Variants in LATS1 observed in about 807,000 individuals in gnomAD.
LATS1 encodes serine/threonine-protein kinase LATS1.
Under a neutral mutation model 106.6 loss-of-function variants are expected in LATS1, and 25 were observed. The observed-to-expected ratio is 0.23, with a 90% CI of 0.17 to 0.33. The LOEUF is 0.33. LATS1 is among the 10% of genes least tolerant of loss of function. The pLI, the probability that LATS1 is intolerant of heterozygous loss-of-function variation, is 1.00. For synonymous variants in LATS1, 465 were observed against 455.6 expected (o/e 1.02, Z -0.26); for missense variants, 1,040 against 1,382.6 (o/e 0.75, Z 3.93).
intron 7 of LATS1, among the ~76,000 whole-genome samples, chr6:149,670,179 AAAAAAAAAAAAAAAG>A (rs1401293133): frequency 2.8e-5 from 4 of 142,688 alleles, no homozygotes; most frequent in Non-Finnish European, 4.5e-5. Context: ...CTCAAAAAAA[AAAAAAAAAAAAAAAG>A]AAAAGAAAAG....
rs1781703301 is a variant in LATS1, at chr6:149,676,037, G to C, written c.2883+223C>G. The C allele has an allele frequency of 4.4e-5, 21 of 476,314 alleles. No individual in the cohort carries two copies. The South Asian group carries it at 5.4e-4, about 12-fold the overall frequency. 29.5% of individuals were successfully genotyped at this position (476,314 alleles called of 1,614,324 possible). A position where few individuals can be genotyped will look rare whatever the true frequency, so the allele number is the denominator to read the frequency against. ...TTAAATTAAAAAATATTTGTTTGTA[G>C]AGATGTGGTCTCACATTGTTGCCAG... On this transcript the variant is annotated intron_variant, in intron 7 of 7. Transcript: ENST00000543571.
intron 2 of LATS1, among the ~76,000 whole-genome samples, chr6:149,695,860 C>T (rs1783032662): frequency 6.6e-6 from 1 of 151,708 alleles, no homozygotes; most frequent in Non-Finnish European, 1.5e-5. Context: ...AACAACTTCT[C>T]TGGGTACAAT....
rs1022082371 is a variant in LATS1 at position 149,660,142 on chromosome 6, C to G, written c.*1587G>C. ...CAAAATCCCTTGAAACTGCATGCAA[C>G]ATTGTATGTGTATGTGTGGTTTTTT... On this transcript the variant is annotated 3_prime_UTR_variant, in exon 8 of 8. Transcript: ENST00000543571. The G allele has an allele frequency of 4.3e-6, 1 of 232,416 alleles. No homozygotes were observed. The highest frequency in any genetic ancestry group is 2.2e-5 in the African/African-American group (1 of 45,262). 14.4% of individuals were successfully genotyped at this position (232,416 alleles called of 1,614,324 possible).
chr6:149,688,502 G>A (rs928141599), intron 3 of LATS1, among the ~76,000 whole-genome samples: 1 of 151,752 alleles, frequency 6.6e-6, no homozygotes, highest in African/African-American at 2.4e-5. Flanking sequence ...TAGAGATGGG[G>A]TTTCACTATG....
Position 149,661,714 on chromosome 6 carries a change from T to G in LATS1, c.*15A>C, listed in dbSNP as rs751757188. On this transcript the variant is annotated 3_prime_UTR_variant, in exon 8 of 8. Coordinates refer to ENST00000543571, the MANE Select transcript of LATS1 (RefSeq NM_004690.4). ...GCCCTTTTACAAATCCTCATTACAT[T>G]TATTTACTAGTGTGTTAAACATATA... 9 of 1,523,032 alleles carry G rather than the reference T, an allele frequency of 5.9e-6. No individual in the cohort carries two copies. The highest frequency in any genetic ancestry group is 4.2e-5 in the African/African-American group (3 of 71,772). The allele number at this position is 1,523,032 out of a possible 1,614,324, so 94.3% of individuals were successfully genotyped here. A position where few individuals can be genotyped will look rare whatever the true frequency, so the allele number is the denominator to read the frequency against.
In LATS1 at chr6:149,661,709, T is replaced by G. The variant is rs1340478523; in HGVS notation, c.*20A>C. 1 of 1,521,334 alleles carries G rather than the reference T, an allele frequency of 6.6e-7. No individual in the cohort carries two copies. Among genetic ancestry groups the G allele is most frequent in the Non-Finnish European group, 8.8e-7 (1 of 1,139,124 alleles). The allele number at this position is 1,521,334 out of a possible 1,614,324, so 94.2% of individuals were successfully genotyped here. ...TTCAGGCCCTTTTACAAATCCTCAT[T>G]ACATTTATTTACTAGTGTGTTAAAC... On this transcript the variant is annotated 3_prime_UTR_variant, in exon 8 of 8. Transcript: ENST00000543571.
At chr6:149,714,580 T>A (rs1784285121) in intron 1 of LATS1, among the ~76,000 whole-genome samples, 1 of 152,204 alleles carries the variant, frequency 6.6e-6, no homozygotes, top group African/African-American at 2.4e-5. Context: ...AGAAGCTGTT[T>A]AATTTCCAGC....
At chr6:149,686,379 T>C (rs1364391440) in intron 3 of LATS1, among the ~76,000 whole-genome samples, 2 of 152,200 alleles carry the variant, frequency 1.3e-5, no homozygotes, top group Non-Finnish European at 2.9e-5. Flanking sequence ...AAATACACCA[T>C]GTCACTCATT....
rs1784210321 is a variant in LATS1, at chr6:149,713,350, A to C, written c.-141+4499T>G. ...CCCTCTGTTGCCCAGGCTGGAGTGC[A>C]ATGGTGCCATCTCGGCTCACTGCAA... On this transcript the variant is annotated intron_variant, in intron 1 of 7. Transcript: ENST00000543571. 4.0e-5 allele frequency among the ~76,000 whole-genome samples: 6 copies of C among 151,748 alleles called. No individual in the cohort carries two copies. In the South Asian group the frequency reaches 1.2e-3, roughly 32 times the overall value.
intron 1 of LATS1, among the ~76,000 whole-genome samples, chr6:149,706,970 A>G (rs749785759): frequency 6.6e-5 from 10 of 150,422 alleles, no homozygotes; most frequent in Non-Finnish European, 1.5e-4. Flanking sequence ...ATATACTACT[A>G]TTAACCAAAA....
intron 7 of LATS1, among the ~76,000 whole-genome samples, chr6:149,674,634 A>C (rs1582856028): frequency 6.7e-6 from 1 of 148,958 alleles, no homozygotes. Flanking sequence ...ACGACCTTGC[A>C]AAGTGTTGGG....
Position 149,660,146 on chromosome 6 carries a change from G to T in LATS1, c.*1583C>A, listed in dbSNP as rs1211094560. ...ATCCCTTGAAACTGCATGCAACATT[G>T]TATGTGTATGTGTGGTTTTTTTTTC... On this transcript the variant is annotated 3_prime_UTR_variant, in exon 8 of 8. Coordinates refer to ENST00000543571, the MANE Select transcript of LATS1 (RefSeq NM_004690.4). The T allele has an allele frequency of 4.3e-6, 1 of 232,504 alleles. No homozygotes were observed. Among genetic ancestry groups the T allele is most frequent in the African/African-American group, 2.2e-5 (1 of 45,404 alleles). 14.4% of individuals were successfully genotyped at this position (232,504 alleles called of 1,614,324 possible).
At chr6:149,665,143 C>T (rs1291271021) in intron 7 of LATS1, among the ~76,000 whole-genome samples, 1 of 152,134 alleles carries the variant, frequency 6.6e-6, no homozygotes, top group Non-Finnish European at 1.5e-5. Context: ...GGGTGGATCA[C>T]TTGAGGTCAG....
At chr6:149,664,385 C>T (rs1236930062) in intron 7 of LATS1, among the ~76,000 whole-genome samples, 2 of 152,036 alleles carry the variant, frequency 1.3e-5, no homozygotes, top group Non-Finnish European at 2.9e-5. Flanking sequence ...CAGAGAATTT[C>T]CCCAAATCGA....
At chr6:149,692,135 T>A (rs2114884550) in intron 3 of LATS1, among the ~76,000 whole-genome samples, 1 of 152,320 alleles carries the variant, frequency 6.6e-6, no homozygotes, top group East Asian at 1.9e-4. Context: ...AATCTAATAA[T>A]GTTATTACCC....
chr6:149,679,340 T>C (rs1781904937), intron 5 of LATS1, among the ~76,000 whole-genome samples: 1 of 151,972 alleles, frequency 6.6e-6, no homozygotes, highest in Admixed American at 6.6e-5. Context: ...TCACCTGAGG[T>C]CAGGAGTTCG....
chr6:149,661,806 C>T lies in LATS1; in HGVS notation c.3316G>A (p.Gly1106Ser), dbSNP rs764099341. 3.1e-6 allele frequency: 5 copies of T among 1,611,250 alleles called. No individual in the cohort carries two copies. In the East Asian group the frequency reaches 8.9e-5, roughly 29 times the overall value. The change falls in exon 8 of 8, where the codon GGC becomes AGC. Residue 1106 changes from glycine (G) to serine (S), a missense_variant. Coordinates refer to ENST00000543571, the MANE Select transcript of LATS1 (RefSeq NM_004690.4). ...PIEYEYINSQGSEQQSDEDDQ... is the reference protein window; with the variant it reads ...PIEYEYINSQSSEQQSDEDDQ... Reference sequence around the variant, plus strand: ...TCTTCATCCGACTGCTGCTCTGAGCCTTGTGAATTAATGTATTCATATTCA... The same window carrying T: ...TCTTCATCCGACTGCTGCTCTGAGCTTTGTGAATTAATGTATTCATATTCA...
chr6:149,672,634 A>G (rs985831375), intron 7 of LATS1, among the ~76,000 whole-genome samples: 3 of 151,774 alleles, frequency 2.0e-5, no homozygotes, highest in African/African-American at 4.9e-5. Context: ...TCCAGTTTTC[A>G]TTGCTTAAAT....
intron 1 of LATS1, among the ~76,000 whole-genome samples, chr6:149,711,155 C>T (rs1186292039): frequency 6.6e-6 from 1 of 151,960 alleles, no homozygotes; most frequent in African/African-American, 2.4e-5. Flanking sequence ...TACATGTGAA[C>T]TTCGACTGTG....
Sources: allele counts gnomAD v4.1 joint callset (sites outside exome capture counted in the v4.1 genomes callset), GRCh38; gene constraint gnomAD v4.1.1; transcripts MANE v1.5; gene names NCBI Gene and HGNC (gene_info 2026-07-23, HGNC 2026-07-21).